CDH13: variants seen among roughly 807,000 people sequenced by gnomAD.
CDH13 encodes cadherin-13.
In CDH13, 24 loss-of-function variants were observed where a neutral mutation model predicts 63.8. That is an observed-to-expected ratio of 0.38 (90% CI 0.27 to 0.53). CDH13 has a LOEUF of 0.53. Among genes scored for constraint, CDH13 ranks in the 20% least tolerant of loss-of-function variants. The pLI is 0.85. For synonymous variants in CDH13, 503 were observed against 355.3 expected (o/e 1.42, Z -4.67); for missense variants, 1,049 against 903.1 (o/e 1.16, Z -2.07).
chr16:82,691,490 C>A (rs117728050), intron 1 of CDH13, among the ~76,000 whole-genome samples: 20 of 152,252 alleles, frequency 1.3e-4, no homozygotes, highest in Non-Finnish European at 2.1e-4. Context: ...CCATTAACTT[C>A]GGCAGTACCT....
chr16:83,101,203 A>C (rs2034461503), intron 3 of CDH13, among the ~76,000 whole-genome samples: 1 of 150,992 alleles, frequency 6.6e-6, no homozygotes, highest in Middle Eastern at 3.2e-3. Flanking sequence ...AAGTATATAG[A>C]GGTATGTATA....
At chr16:83,268,283 A>G (rs2088686544) in intron 5 of CDH13, among the ~76,000 whole-genome samples, 1 of 152,198 alleles carries the variant, frequency 6.6e-6, no homozygotes, top group Admixed American at 6.5e-5. Flanking sequence ...CTTCCATGGA[A>G]GTATGAACAG....
intron 3 of CDH13, among the ~76,000 whole-genome samples, chr16:83,048,011 C>T (rs1917959426): frequency 6.6e-6 from 1 of 151,960 alleles, no homozygotes; most frequent in South Asian, 2.1e-4. Context: ...TCTTTTTTGT[C>T]ACAATAGAAA....
intron 1 of CDH13, among the ~76,000 whole-genome samples, chr16:82,654,100 G>T (rs1006468850): frequency 6.6e-6 from 1 of 152,128 alleles, no homozygotes; most frequent in African/African-American, 2.4e-5. Flanking sequence ...ATTAGTCATT[G>T]CAAAAACATC....
rs533059007 is a variant in CDH13, at chr16:83,704,752, C to A, written c.1538+26291C>A. Among the ~76,000 whole-genome samples, 15 of 152,242 alleles carry A rather than the reference C, an allele frequency of 9.9e-5. No homozygotes were observed. In the South Asian group the frequency reaches 2.9e-3, roughly 29 times the overall value. On this transcript the variant is annotated intron_variant, in intron 10 of 13. Transcript: ENST00000567109. ...CACCAAACTGAACTCTATAATGGTA[C>A]TACAATAGAAAAAAAATTTCCAAAG...
At chr16:83,149,218 G>T (rs1333061268) in intron 4 of CDH13, among the ~76,000 whole-genome samples, 1 of 152,160 alleles carries the variant, frequency 6.6e-6, no homozygotes, top group Non-Finnish European at 1.5e-5. Context: ...TCATGCTAAT[G>T]ACCTCAGAGG....
intron 2 of CDH13, among the ~76,000 whole-genome samples, chr16:82,965,175 C>A (rs958010093): frequency 1.3e-5 from 2 of 152,192 alleles, no homozygotes; most frequent in Admixed American, 6.5e-5. Flanking sequence ...CTGCTTCCAG[C>A]CCAAACCCCT....
chr16:83,138,014 T>G (rs543922273), intron 4 of CDH13, among the ~76,000 whole-genome samples: 1 of 152,108 alleles, frequency 6.6e-6, no homozygotes, highest in East Asian at 1.9e-4. Flanking sequence ...CCCTCCTGGG[T>G]ATCTGCGCTT....
At chr16:82,917,548 G>T (rs138393236) in intron 2 of CDH13, among the ~76,000 whole-genome samples, 7 of 152,202 alleles carry the variant, frequency 4.6e-5, no homozygotes, top group Non-Finnish European at 8.8e-5. Flanking sequence ...GAAAGGGAGA[G>T]AATAAAATGA....
chr16:83,600,398 T>C (rs1907674194), intron 7 of CDH13, among the ~76,000 whole-genome samples: 1 of 152,182 alleles, frequency 6.6e-6, no homozygotes, highest in African/African-American at 2.4e-5. Context: ...CAGGACTCCT[T>C]AAAATAGTAG....
In CDH13 at chr16:83,010,135, C is replaced by CAAAAAA. The variant is rs67985333; in HGVS notation, c.158-21853_158-21848dup. ...GGGCAACAAGAGCAAAACTCTGTCT[C>CAAAAAA]AAAAAAAAAAAAAAAAAAAAAAAAA... On this transcript the variant is annotated intron_variant, in intron 2 of 13. Transcript: ENST00000567109. Among the ~76,000 whole-genome samples, 239 of 50,082 alleles carry CAAAAAA rather than the reference C, an allele frequency of 4.8e-3. 36 individuals are homozygous for CAAAAAA. Among genetic ancestry groups the CAAAAAA allele is most frequent in the African/African-American group, 0.019 (206 of 10,852 alleles). The allele number at this position is 50,082 out of a possible 152,430, so 32.9% of individuals were successfully genotyped here.
At chr16:83,512,117 G>A (rs1203318744) in intron 7 of CDH13, among the ~76,000 whole-genome samples, 3 of 146,152 alleles carry the variant, frequency 2.1e-5, no homozygotes, top group South Asian at 2.2e-4. Flanking sequence ...GTCTGGAGGT[G>A]GAGACCATCC....
At chr16:82,943,456 C>T (rs1354455160) in intron 2 of CDH13, among the ~76,000 whole-genome samples, 2 of 152,094 alleles carry the variant, frequency 1.3e-5, no homozygotes, top group Non-Finnish European at 2.9e-5. Context: ...TTATATGACT[C>T]AAATGGAAGA....
chr16:83,204,935 A>C (rs144649576), intron 4 of CDH13, among the ~76,000 whole-genome samples: 18 of 152,362 alleles, frequency 1.2e-4, no homozygotes, highest in African/African-American at 4.1e-4. Context: ...CTGAAGTGAC[A>C]CATATCACTT....
At chr16:83,442,930 C>T (rs1379529588) in intron 6 of CDH13, among the ~76,000 whole-genome samples, 1 of 152,162 alleles carries the variant, frequency 6.6e-6, no homozygotes, top group East Asian at 1.9e-4. Flanking sequence ...TATGCTTGAC[C>T]TTCAGGGACT....
intron 3 of CDH13, among the ~76,000 whole-genome samples, chr16:83,074,096 C>G (rs2032647499): frequency 6.6e-6 from 1 of 152,160 alleles, no homozygotes; most frequent in Non-Finnish European, 1.5e-5. Context: ...TTCCTTCTGT[C>G]TACTGCCTGT....
At chr16:83,074,136 C>T (rs569631648) in intron 3 of CDH13, among the ~76,000 whole-genome samples, 6 of 152,180 alleles carry the variant, frequency 3.9e-5, no homozygotes, top group Non-Finnish European at 8.8e-5. Flanking sequence ...CTTCACTTAC[C>T]CTCCCAGACC....
intron 1 of CDH13, among the ~76,000 whole-genome samples, chr16:82,663,960 G>C (rs1348186581): frequency 6.6e-6 from 1 of 152,206 alleles, no homozygotes; most frequent in Non-Finnish European, 1.5e-5. Context: ...ACTCTGAGGT[G>C]TGAGCCATGT....
chr16:83,794,959 TA>T (rs1904275006), intron 13 of CDH13, 63 bp from the exon 14 acceptor site: 1 of 1,499,548 alleles, frequency 6.7e-7, no homozygotes, highest in Admixed American at 1.9e-5. Flanking sequence ...TTCTGGCTTT[TA>T]GCTAAAATGT....
Sources: allele counts gnomAD v4.1 joint callset (sites outside exome capture counted in the v4.1 genomes callset), GRCh38; gene constraint gnomAD v4.1.1; transcripts MANE v1.5; gene names NCBI Gene and HGNC (gene_info 2026-07-23, HGNC 2026-07-21).